The following CAMTA1 variants were observed in gnomAD, a reference collection of about 807,000 sequenced individuals.
CAMTA1 encodes calmodulin binding transcription activator 1.
Under a neutral mutation model 170.9 loss-of-function variants are expected in CAMTA1, and 27 were observed. The ratio of observed to expected loss-of-function variants is 0.16; its 90% CI spans 0.12 to 0.22. The LOEUF (loss-of-function observed/expected upper bound fraction) is 0.22, where lower values mean the gene tolerates loss of function less well. Ranked by LOEUF, CAMTA1 falls within the 10% of genes least tolerant of loss-of-function variation. The probability of loss-of-function intolerance (pLI) is 1.00; values close to 1 mark genes in which losing one functional copy is unlikely to be tolerated. For synonymous variants in CAMTA1, 833 were observed against 891.5 expected (o/e 0.93, Z 1.17); for missense variants, 1,619 against 2,217.2 (o/e 0.73, Z 5.42).
rs940294204 is a variant in CAMTA1 at position 7,223,156 on chromosome 1, C to T, written c.303-26335C>T. ...TTACTTACCTGTTGATCCACCCACC[C>T]ACCCACCCACCCACCCATCCAACCA... On this transcript the variant is annotated intron_variant, in intron 4 of 22. Coordinates refer to ENST00000303635, the MANE Select transcript of CAMTA1 (RefSeq NM_015215.4). Among the ~76,000 whole-genome samples the T allele has an allele frequency of 6.6e-4, 90 of 136,572 alleles. 1 individual carries two copies. Among genetic ancestry groups the T allele is most frequent in the Non-Finnish European group, 1.2e-3 (78 of 63,716 alleles). 89.6% of individuals were successfully genotyped at this position (136,572 alleles called of 152,430 possible).
At chr1:7,676,956 G>C (rs1296561733) in intron 10 of CAMTA1, among the ~76,000 whole-genome samples, 1 of 152,152 alleles carries the variant, frequency 6.6e-6, no homozygotes, top group African/African-American at 2.4e-5. Context: ...CAGTTAACGA[G>C]ACCTGCCAGG....
At chr1:7,719,115 CTT>C (rs2149761322) in intron 11 of CAMTA1, among the ~76,000 whole-genome samples, 1 of 152,200 alleles carries the variant, frequency 6.6e-6, no homozygotes, top group South Asian at 2.1e-4. Flanking sequence ...TTCCAAATCT[CTT>C]TTGTGCTTCA....
At chr1:7,530,582 C>T (rs1557870996) in intron 6 of CAMTA1, among the ~76,000 whole-genome samples, 1 of 152,004 alleles carries the variant, frequency 6.6e-6, no homozygotes, top group Non-Finnish European at 1.5e-5. Context: ...AAGGAAGCTG[C>T]CCGAGGCTGC....
At chr1:7,228,902 G>A (rs1247449880) in intron 4 of CAMTA1, among the ~76,000 whole-genome samples, 1 of 152,206 alleles carries the variant, frequency 6.6e-6, no homozygotes, top group Admixed American at 6.5e-5. Flanking sequence ...TGCTGCTGGA[G>A]GGGGATGGGT....
rs554922618 is a variant in CAMTA1 at position 6,786,201 on chromosome 1, C to T, written c.45+626C>T. On this transcript the variant is annotated intron_variant, in intron 1 of 22. Transcript: ENST00000303635. ...CGAGCTTCTCCCCGCCAGGGGGACC[C>T]CGTCCTGCCGAGCGTCCCTCGGCCG... is the stretch of plus-strand genomic sequence containing the variant. Among the ~76,000 whole-genome samples, 6 of 152,132 alleles carry T rather than the reference C, an allele frequency of 3.9e-5. No individual in the cohort carries two copies. In the East Asian group the frequency reaches 9.8e-4, roughly 25 times the overall value.
intron 5 of CAMTA1, among the ~76,000 whole-genome samples, chr1:7,439,153 G>A (rs981974702): frequency 6.6e-6 from 1 of 152,182 alleles, no homozygotes; most frequent in Non-Finnish European, 1.5e-5. Flanking sequence ...GCTCCCAGGT[G>A]GGGTCTGCGG....
intron 6 of CAMTA1, among the ~76,000 whole-genome samples, chr1:7,638,598 G>GTAA (rs2095734743): frequency 6.6e-6 from 1 of 151,590 alleles, no homozygotes; most frequent in African/African-American, 2.4e-5. Context: ...GCCGATATTA[G>GTAA]GCCACTGCAC....
intron 6 of CAMTA1, among the ~76,000 whole-genome samples, chr1:7,589,017 C>T (rs77265998): frequency 2.0e-5 from 3 of 152,172 alleles, no homozygotes; most frequent in South Asian, 2.1e-4. Flanking sequence ...GCCAGAAAAC[C>T]GACTCCCTTT....
chr1:7,147,698 A>G (rs1030181413), intron 4 of CAMTA1, among the ~76,000 whole-genome samples: 5 of 151,640 alleles, frequency 3.3e-5, no homozygotes, highest in African/African-American at 1.2e-4. Flanking sequence ...CCATGCACAC[A>G]CACAAACTCA....
intron 11 of CAMTA1, among the ~76,000 whole-genome samples, chr1:7,696,509 TAA>T (rs111832916): frequency 2.0e-4 from 30 of 151,204 alleles, no homozygotes; most frequent in African/African-American, 7.0e-4. Flanking sequence ...TTTTTTTTTT[TAA>T]AATAAATGTT....
intron 3 of CAMTA1, among the ~76,000 whole-genome samples, chr1:7,089,596 C>A (rs1216953649): frequency 1.5e-5 from 2 of 130,390 alleles, no homozygotes; most frequent in African/African-American, 2.7e-5. Flanking sequence ...ATCCATCCGG[C>A]CATCTGTCTA....
In CAMTA1 at chr1:6,918,474, TCA is replaced by T. The variant is rs1041417621; in HGVS notation, c.234+93267_234+93268del. On this transcript the variant is annotated intron_variant, in intron 3 of 22. Transcript: ENST00000303635. The surrounding 1 kb of genome is among the most constrained non-coding windows in gnomAD (Gnocchi z 4.0). ...GAAAAGTCATTGGAATAGAATGTTG[TCA>T]CAGATAAATGTCTCCCAATTGCATA... 6.6e-6 allele frequency among the ~76,000 whole-genome samples: 1 copy of T among 152,228 alleles called. No individual in the cohort carries two copies. The highest frequency in any genetic ancestry group is 1.5e-5 in the Non-Finnish European group (1 of 68,042).
chr1:6,977,544 G>T, intron 3 of CAMTA1, among the ~76,000 whole-genome samples: 1 of 152,170 alleles, frequency 6.6e-6, no homozygotes, highest in East Asian at 1.9e-4. Flanking sequence ...GTTTCACCAT[G>T]TCAGCCAGGA....
chr1:6,888,029 C>T (rs537849682), intron 3 of CAMTA1: 1 of 1,129,476 alleles, frequency 8.9e-7, no homozygotes, highest in Non-Finnish European at 1.1e-6. Context: ...AGCAAGCTGC[C>T]TTTTTCTTCC....
intron 4 of CAMTA1, among the ~76,000 whole-genome samples, chr1:7,099,270 C>T (rs188470833): frequency 1.1e-4 from 17 of 152,282 alleles, no homozygotes; most frequent in East Asian, 5.8e-4. Context: ...AGGCTGCTCT[C>T]GAACTCATGG....
rs571959195 is a variant in CAMTA1 at position 7,689,049 on chromosome 1, G to T, written c.2914+11316G>T. On this transcript the variant is annotated intron_variant, in intron 11 of 22. Transcript: ENST00000303635. ...GGCCAAGGTGGGTGGATCACATAAG[G>T]TCAGGAGTTCAAGACCAGCCTGGCC... 5.3e-5 allele frequency among the ~76,000 whole-genome samples: 8 copies of T among 152,182 alleles called. No homozygotes were observed. In the South Asian group the frequency reaches 1.7e-3, roughly 32 times the overall value.
At chr1:6,905,874 G>T (rs1399101430) in intron 3 of CAMTA1, among the ~76,000 whole-genome samples, 4 of 152,154 alleles carry the variant, frequency 2.6e-5, no homozygotes, top group African/African-American at 4.8e-5. Context: ...CAGAGTTGCT[G>T]CCTGTGGACC....
chr1:7,736,224 T>C lies in CAMTA1; in HGVS notation c.3067-120T>C, dbSNP rs779883636. The C allele has an allele frequency of 1.7e-5, 14 of 825,728 alleles. No homozygotes were observed. The highest frequency in any genetic ancestry group is 2.7e-5 in the Non-Finnish European group (14 of 524,606). The allele number at this position is 825,728 out of a possible 1,614,324, so 51.2% of individuals were successfully genotyped here. The stretch of plus-strand genomic sequence containing the variant: ...CCAGCCAATGTTTCTTTATTTTCAG[T>C]GTTTTATGTTTTCCGTTGTGAGTTT... On this transcript the variant is annotated intron_variant, in intron 12 of 22. Transcript: ENST00000303635. The surrounding 1 kb of genome is among the most constrained non-coding windows in gnomAD (Gnocchi z 4.5).
Position 7,547,839 on chromosome 1 carries a change from A to G in CAMTA1, c.510+79938A>G, listed in dbSNP as rs2094719961. On this transcript the variant is annotated intron_variant, in intron 6 of 22. Coordinates refer to ENST00000303635, the MANE Select transcript of CAMTA1 (RefSeq NM_015215.4). The surrounding 1 kb of genome is among the most constrained non-coding windows in gnomAD (Gnocchi z 5.7). The stretch of plus-strand genomic sequence containing the variant: ...TGCCACCCCATGTGGGCCCCCTCCA[A>G]ACCCAGACTCTGACACCCCTTGCAA... 6.6e-6 allele frequency among the ~76,000 whole-genome samples: 1 copy of G among 151,918 alleles called. No homozygotes were observed. Among genetic ancestry groups the G allele is most frequent in the Non-Finnish European group, 1.5e-5 (1 of 67,988 alleles).
Sources: allele counts gnomAD v4.1 joint callset (sites outside exome capture counted in the v4.1 genomes callset), GRCh38; gene constraint gnomAD v4.1.1; non-coding constraint Gnocchi (gnomAD v3.1); transcripts MANE v1.5; gene names NCBI Gene and HGNC (gene_info 2026-07-23, HGNC 2026-07-21).